Variants in CDH13 observed in about 807,000 individuals in gnomAD.
CDH13 encodes cadherin-13.
A neutral mutation model predicts 63.8 loss-of-function variants in CDH13; 24 were observed. The ratio of observed to expected loss-of-function variants is 0.38; its 90% CI spans 0.27 to 0.53. The LOEUF (loss-of-function observed/expected upper bound fraction) is 0.53, where lower values mean the gene tolerates loss of function less well. Ranked by LOEUF, CDH13 falls within the 20% of genes least tolerant of loss-of-function variation. The pLI, the probability that CDH13 is intolerant of heterozygous loss-of-function variation, is 0.85. For synonymous variants in CDH13, 503 were observed against 355.3 expected, an observed-to-expected ratio of 1.42 and a Z score of -4.67; for missense variants, 1,049 against 903.1, an observed-to-expected ratio of 1.16 and a Z score of -2.07.
At chr16:83,197,761 C>A (rs2038916203) in intron 4 of CDH13, among the ~76,000 whole-genome samples, 1 of 148,244 alleles carries the variant, frequency 6.7e-6, no homozygotes, top group Non-Finnish European at 1.5e-5. Flanking sequence ...AAACTAAATA[C>A]ACACACACAC....
intron 4 of CDH13, among the ~76,000 whole-genome samples, chr16:83,164,031 A>T (rs1218035912): frequency 6.6e-6 from 1 of 152,046 alleles, no homozygotes; most frequent in Non-Finnish European, 1.5e-5. Flanking sequence ...CAACACTATA[A>T]AAAAGACATA....
At chr16:82,996,951 ATGATGG>A (rs1429745186) in intron 2 of CDH13, among the ~76,000 whole-genome samples, 14 of 116,070 alleles carry the variant, frequency 1.2e-4, no homozygotes, top group African/African-American at 3.7e-4. Context: ...GGTGTTGTTG[ATGATGG>A]TGGTGGTGGT....
At chr16:82,940,564 A>G (rs1057161875) in intron 2 of CDH13, among the ~76,000 whole-genome samples, 3 of 152,202 alleles carry the variant, frequency 2.0e-5, no homozygotes, top group African/African-American at 7.2e-5. Flanking sequence ...TTGGCAAAGC[A>G]AGGAGAGCTG....
intron 7 of CDH13, among the ~76,000 whole-genome samples, chr16:83,590,265 A>G (rs796524703): frequency 8.5e-5 from 13 of 152,338 alleles, no homozygotes; most frequent in African/African-American, 2.9e-4. Context: ...AAGCTGTTGC[A>G]TAAGTCAAGG....
intron 3 of CDH13, among the ~76,000 whole-genome samples, chr16:83,117,468 A>C (rs897462143): frequency 1.3e-5 from 2 of 151,858 alleles, no homozygotes; most frequent in Non-Finnish European, 2.9e-5. Context: ...CCCCCTGAGC[A>C]CTTCCAGCCC....
intron 4 of CDH13, among the ~76,000 whole-genome samples, chr16:83,149,027 G>A (rs905578877): frequency 1.3e-5 from 2 of 152,164 alleles, no homozygotes; most frequent in African/African-American, 2.4e-5. Context: ...AGAATTGACT[G>A]TACTTGAATG....
At chr16:83,735,784 C>G (rs1911485984) in intron 10 of CDH13, 2 of 152,064 alleles carry the variant, frequency 1.3e-5, no homozygotes, top group Non-Finnish European at 2.9e-5. Context: ...AGGTAGATAC[C>G]AGGAGTAAGC....
chr16:83,181,114 T>A, intron 4 of CDH13: 1 of 1,057,410 alleles, frequency 9.5e-7, no homozygotes, highest in Non-Finnish European at 1.3e-6. Flanking sequence ...CATTATTGGG[T>A]ATTTGGGATA....
chr16:83,180,740 C>T (rs547764935), intron 4 of CDH13: 20 of 646,290 alleles, frequency 3.1e-5, no homozygotes, highest in African/African-American at 1.3e-4. Flanking sequence ...TCTAGAAAAA[C>T]GGTCACTCTA....
chr16:82,978,593 C>G (rs1462087113), intron 2 of CDH13, among the ~76,000 whole-genome samples: 1 of 152,240 alleles, frequency 6.6e-6, no homozygotes, highest in Non-Finnish European at 1.5e-5. Context: ...GGTGCAAGCC[C>G]CAAGCCTTGG....
chr16:83,041,227 T>A (rs1180055509), intron 3 of CDH13, among the ~76,000 whole-genome samples: 1 of 152,206 alleles, frequency 6.6e-6, no homozygotes, highest in African/African-American at 2.4e-5. Flanking sequence ...TTTTTGTCAT[T>A]ACAAGAATTT....
At chr16:83,761,879 C>T (rs1236045671) in intron 11 of CDH13, among the ~76,000 whole-genome samples, 2 of 151,998 alleles carry the variant, frequency 1.3e-5, no homozygotes, top group South Asian at 2.1e-4. Context: ...CCAGCCAGGC[C>T]AACATGGTGA....
At chr16:83,652,168 G>T (rs1598416979) in intron 8 of CDH13, among the ~76,000 whole-genome samples, 1 of 152,216 alleles carries the variant, frequency 6.6e-6, no homozygotes, top group Non-Finnish European at 1.5e-5. Context: ...TTTGAAATGG[G>T]AATCAGTGGT....
intron 2 of CDH13, among the ~76,000 whole-genome samples, chr16:82,884,023 T>G (rs182949814): frequency 1.6e-4 from 24 of 152,268 alleles, no homozygotes; most frequent in East Asian, 7.7e-4. Context: ...TGTTTTTTTT[T>G]GGGTGTATGA....
Position 82,889,295 on chromosome 16 carries a change from C to G in CDH13, c.157+30822C>G, listed in dbSNP as rs556516960. Among the ~76,000 whole-genome samples the G allele has an allele frequency of 2.3e-5, 3 of 132,118 alleles. No homozygotes were observed. The East Asian group carries it at 6.0e-4, about 27-fold the overall frequency. The allele number at this position is 132,118 out of a possible 152,430, so 86.7% of individuals were successfully genotyped here. On this transcript the variant is annotated intron_variant, in intron 2 of 13. Transcript: ENST00000567109. ...AGGAAAATTGTGCTTGTCTGTCTCTCTATTATCTCTCTCTCTCTCTCTCTC... is the reference window on the plus strand; with the variant it reads ...AGGAAAATTGTGCTTGTCTGTCTCTGTATTATCTCTCTCTCTCTCTCTCTC...
At chr16:83,783,777 T>C (rs1308302080) in intron 13 of CDH13, among the ~76,000 whole-genome samples, 1 of 152,188 alleles carries the variant, frequency 6.6e-6, no homozygotes, top group East Asian at 1.9e-4. Flanking sequence ...CTAATGAAAA[T>C]GCGCCCAGAT....
At chr16:83,724,601 A>C (rs1598591028) in intron 10 of CDH13, among the ~76,000 whole-genome samples, 1 of 152,180 alleles carries the variant, frequency 6.6e-6, no homozygotes, top group East Asian at 1.9e-4. Context: ...AAACCAGCTC[A>C]GATTGGAGGA....
chr16:82,734,756 C>A (rs1211234947), intron 1 of CDH13, among the ~76,000 whole-genome samples: 1 of 152,168 alleles, frequency 6.6e-6, no homozygotes, highest in Admixed American at 6.5e-5. Flanking sequence ...GACAGACAGG[C>A]CTTTATACTC....
chr16:83,292,540 G>T (rs1218356404), intron 5 of CDH13, among the ~76,000 whole-genome samples: 2 of 152,066 alleles, frequency 1.3e-5, no homozygotes, highest in African/African-American at 4.8e-5. Context: ...TTGTTTTGCA[G>T]CCTCTATTTC....
Sources: gnomAD v4.1 joint callset for allele counts (sites outside exome capture counted in the v4.1 genomes callset) on GRCh38, gnomAD v4.1.1 for gene constraint, MANE v1.5 for transcripts, NCBI Gene and HGNC (gene_info 2026-07-23, HGNC 2026-07-21) for gene names.